Variants in DHX35 observed in about 807,000 individuals in gnomAD.
DHX35 encodes the protein probable ATP-dependent RNA helicase DHX35.
DHX35 carries 84 observed loss-of-function variants against 99.6 expected under a neutral mutation model. That is an observed-to-expected ratio of 0.84 (90% CI 0.71 to 1.01). DHX35 has a LOEUF of 1.01. Ranked by LOEUF, DHX35 falls within the 50% of genes least tolerant of loss-of-function variation. The probability of loss-of-function intolerance (pLI) is 0.00; values close to 1 mark genes in which losing one functional copy is unlikely to be tolerated. For missense variants in DHX35, 852 were observed against 888.5 expected (o/e 0.96, Z 0.52); for synonymous variants, 331 against 316.2 (o/e 1.05, Z -0.50).
intron 8 of DHX35, among the ~76,000 whole-genome samples, chr20:39,000,801 A>G (rs1402473209): frequency 6.6e-6 from 1 of 152,100 alleles, no homozygotes; most frequent in East Asian, 1.9e-4. Context: ...TGGGGAATGG[A>G]AAGGGCACCC....
chr20:39,037,029 T>G (rs1248118733), intron 21 of DHX35, among the ~76,000 whole-genome samples: 1 of 152,158 alleles, frequency 6.6e-6, no homozygotes, highest in Non-Finnish European at 1.5e-5. Flanking sequence ...ATCACCACTG[T>G]TTTTCGGAAT....
chr20:38,971,334 C>A (rs1286712253), intron 2 of DHX35, among the ~76,000 whole-genome samples: 1 of 152,182 alleles, frequency 6.6e-6, no homozygotes, highest in Non-Finnish European at 1.5e-5. Flanking sequence ...GCCTGGGCAA[C>A]AGAGCGAGAC....
chr20:39,025,259 A>G lies in DHX35; in HGVS notation c.1701A>G (p.Glu567=). 6.2e-7 allele frequency: 1 copy of G among 1,613,464 alleles called. No individual in the cohort carries two copies. Among genetic ancestry groups the G allele is most frequent in the Non-Finnish European group, 8.5e-7 (1 of 1,179,668 alleles). Residue 567 remains glutamate, a synonymous_variant, in exon 18 of 22, where the codon GAA becomes GAG. Coordinates refer to ENST00000252011, the MANE Select transcript of DHX35 (RefSeq NM_021931.4). The part of the protein sequence containing the change: ...KHNKDSKWCQ[E]HFLNYKGLVR... ...ATAAGGACTCTAAATGGTGTCAGGAACATTTCCTGAATTACAAGGGTCTTG... is the reference window on the plus strand; with the variant it reads ...ATAAGGACTCTAAATGGTGTCAGGAGCATTTCCTGAATTACAAGGGTCTTG...
At position 39,033,243 on chromosome 20, in the gene DHX35, T is replaced by A. The variant is rs193247418; in HGVS notation, c.1956-963T>A. Among the ~76,000 whole-genome samples the A allele has an allele frequency of 4.6e-3, 685 of 149,704 alleles. 1 individual carries two copies. The highest frequency in any genetic ancestry group is 0.029 in the East Asian group (148 of 5,134). ...AGAGCGAGACCCTGCCTTTAAAAAA[T>A]TTTTTTTTTTAAATCAAGAGAGATG... On this transcript the variant is annotated intron_variant, in intron 20 of 21. Transcript: ENST00000252011.
intron 18 of DHX35, among the ~76,000 whole-genome samples, chr20:39,025,976 G>A (rs2086950790): frequency 1.3e-5 from 2 of 152,182 alleles, no homozygotes; most frequent in Admixed American, 1.3e-4. Context: ...TAAGATCCTA[G>A]GGAGAAGGTA....
chr20:39,038,587 C>A lies in DHX35; in HGVS notation c.*44C>A, dbSNP rs1383214447. ...GCTGCAGGGACTGCTGGCGTCCTCT[C>A]CTCCATGCTGCTGCCCCTGGTCCCA... On this transcript the variant is annotated 3_prime_UTR_variant, in exon 22 of 22. Coordinates refer to ENST00000252011, the MANE Select transcript of DHX35 (RefSeq NM_021931.4). The A allele has an allele frequency of 6.3e-7, 1 of 1,593,118 alleles. No individual in the cohort carries two copies. The highest frequency in any genetic ancestry group is 1.1e-5 in the South Asian group (1 of 89,574).
chr20:38,966,625 C>T lies in DHX35; in HGVS notation c.41-2456C>T, dbSNP rs114605386. ...CGGAGGTTGCAGTGAGCTGGCATCTCGCCACTGCACTCCAGCCTGAGCAAC... is the reference window on the plus strand; with the variant it reads ...CGGAGGTTGCAGTGAGCTGGCATCTTGCCACTGCACTCCAGCCTGAGCAAC... On this transcript the variant is annotated intron_variant, in intron 1 of 21. Transcript: ENST00000252011. Among the ~76,000 whole-genome samples the T allele has an allele frequency of 6.6e-3, 999 of 152,282 alleles. 11 individuals carry two copies. Among genetic ancestry groups the T allele is most frequent in the African/African-American group, 0.023 (946 of 41,552 alleles).
Position 39,014,111 on chromosome 20 carries a change from G to GA in DHX35, c.1348-762dup, listed in dbSNP as rs534754755. On this transcript the variant is annotated intron_variant, in intron 13 of 21. Coordinates refer to ENST00000252011, the MANE Select transcript of DHX35 (RefSeq NM_021931.4). Reference sequence around the variant, plus strand: ...TACATTTGTTATGTGAATGCATTTAGAAAAAAATGCTATGTGAATTTAGAA... The same window carrying GA: ...TACATTTGTTATGTGAATGCATTTAGAAAAAAAATGCTATGTGAATTTAGAA... Among the ~76,000 whole-genome samples the GA allele has an allele frequency of 4.6e-3, 700 of 152,144 alleles. 3 individuals are homozygous for GA. The highest frequency in any genetic ancestry group is 6.6e-3 in the South Asian group (32 of 4,820).
At chr20:39,003,083 GT>G (rs1431376485) in intron 10 of DHX35, among the ~76,000 whole-genome samples, 1 of 152,150 alleles carries the variant, frequency 6.6e-6, no homozygotes, top group Non-Finnish European at 1.5e-5. Context: ...AGGGTTAAAT[GT>G]TTTTTTAAAT....
intron 10 of DHX35, 65 bp downstream of exon 10, chr20:39,002,933 C>G (rs1341472280): frequency 1.5e-6 from 2 of 1,320,862 alleles, no homozygotes; most frequent in Non-Finnish European, 2.2e-6. Flanking sequence ...AATACAGAGC[C>G]TTGTTACTTT....
chr20:38,991,721 A>G (rs2086340683), intron 6 of DHX35, among the ~76,000 whole-genome samples: 1 of 152,202 alleles, frequency 6.6e-6, no homozygotes, highest in African/African-American at 2.4e-5. Context: ...GGGCACATTA[A>G]AATTCCTATC....
At chr20:38,978,122 G>A in intron 3 of DHX35, 1 of 777,784 alleles carries the variant, frequency 1.3e-6, no homozygotes. Context: ...CACTTCAACT[G>A]TAAGACCACC....
Position 39,003,925 on chromosome 20 carries a change from A to G in DHX35, c.1011+18A>G. 1 of 1,611,314 alleles carries G rather than the reference A, an allele frequency of 6.2e-7. No homozygotes were observed. The highest frequency in any genetic ancestry group is 8.5e-7 in the Non-Finnish European group (1 of 1,177,658). On this transcript the variant is annotated intron_variant, in intron 11 of 21. Transcript: ENST00000252011. ...TCAGAAAGGTGAGACTATCCTGATG[A>G]CCAAGGGTGTTGGCAGCCGTCTATA... is the stretch of plus-strand genomic sequence containing the variant.
At chr20:38,972,017 T>G (rs978803183) in intron 2 of DHX35, among the ~76,000 whole-genome samples, 2 of 144,156 alleles carry the variant, frequency 1.4e-5, no homozygotes, top group Admixed American at 6.9e-5. Context: ...TTTTTTTTTT[T>G]TTTTTTTTTG....
intron 16 of DHX35, 61 bp from the exon 17 acceptor site, chr20:39,023,629 A>G: frequency 6.8e-7 from 1 of 1,471,378 alleles, no homozygotes; most frequent in South Asian, 1.1e-5. Context: ...CTGGGATTAT[A>G]GGTGTGAGCC....
chr20:39,029,000 G>A (rs1407816917), intron 19 of DHX35, among the ~76,000 whole-genome samples: 1 of 152,124 alleles, frequency 6.6e-6, no homozygotes. Context: ...CATTTTCTAG[G>A]CATAGGAAAT....
chr20:39,033,464 C>A (rs114297836), intron 20 of DHX35, among the ~76,000 whole-genome samples: 1 of 152,118 alleles, frequency 6.6e-6, no homozygotes, highest in Admixed American at 6.5e-5. Context: ...CCCCCAGTCA[C>A]GGCCTCTTTG....
At chr20:38,962,697 A>G (rs1036502615) in intron 1 of DHX35, 1 of 437,486 alleles carries the variant, frequency 2.3e-6, no homozygotes. Context: ...ACCCCGCGAG[A>G]TGGGGAATCC....
chr20:39,016,084 C>G (rs774415381), intron 14 of DHX35, among the ~76,000 whole-genome samples: 8 of 152,172 alleles, frequency 5.3e-5, no homozygotes, highest in Non-Finnish European at 1.0e-4. Flanking sequence ...TGGCTGAAAG[C>G]TCCAAGATTA....
Sources: allele counts gnomAD v4.1 joint callset (sites outside exome capture counted in the v4.1 genomes callset), GRCh38; gene constraint gnomAD v4.1.1; transcripts MANE v1.5; gene names NCBI Gene and HGNC (gene_info 2026-07-23, HGNC 2026-07-21).